MACROD2: variants seen among roughly 807,000 people sequenced by gnomAD.
MACROD2 encodes the protein ADP-ribose glycohydrolase MACROD2.
In MACROD2, 36 loss-of-function variants were observed where a neutral mutation model predicts 70.4. The ratio of observed to expected loss-of-function variants is 0.51; its 90% confidence interval spans 0.39 to 0.68. The LOEUF is 0.68. Ranked by LOEUF, MACROD2 falls within the 30% of genes least tolerant of loss-of-function variation. The pLI, the probability that MACROD2 is intolerant of heterozygous loss-of-function variation, is 0.00. For missense variants in MACROD2, 496 were observed against 538.4 expected (o/e 0.92, Z 0.78); for synonymous variants, 172 against 178.8 (o/e 0.96, Z 0.30).
chr20:14,029,721 G>T (rs2053223707), intron 2 of MACROD2, among the ~76,000 whole-genome samples: 1 of 152,096 alleles, frequency 6.6e-6, no homozygotes, highest in South Asian at 2.1e-4. Context: ...TTCTTCACTG[G>T]GTGGTAATTG....
At chr20:15,715,339 A>G (rs2050693445) in intron 8 of MACROD2, among the ~76,000 whole-genome samples, 1 of 152,162 alleles carries the variant, frequency 6.6e-6, no homozygotes, top group Non-Finnish European at 1.5e-5. Flanking sequence ...ACCAAAGAGA[A>G]TAGTATTTCT....
intron 8 of MACROD2, among the ~76,000 whole-genome samples, chr20:15,610,685 T>C (rs1043232812): frequency 6.6e-6 from 1 of 152,162 alleles, no homozygotes; most frequent in African/African-American, 2.4e-5. Context: ...TACAGGCATC[T>C]TGTGTAGGCA....
rs994325223 is a variant in MACROD2, at chr20:14,842,360, A to C, written c.418+157401A>C. ...ATTTTGGAGGGGACATTCAAACCAT[A>C]GCAGTACCTTTTTTCTGAAGTCTCC... On this transcript the variant is annotated intron_variant, in intron 5 of 17. Transcript: ENST00000684519. Among the ~76,000 whole-genome samples, 8 of 152,206 alleles carry C rather than the reference A, an allele frequency of 5.3e-5. No homozygotes were observed. The East Asian group carries it at 1.5e-3, about 29-fold the overall frequency.
chr20:14,690,944 T>C (rs2071055892), intron 5 of MACROD2, among the ~76,000 whole-genome samples: 1 of 152,166 alleles, frequency 6.6e-6, no homozygotes, highest in South Asian at 2.1e-4. Flanking sequence ...GTCAGACGGA[T>C]TCCAGCTCTG....
chr20:14,970,814 A>G (rs566820900), intron 5 of MACROD2, among the ~76,000 whole-genome samples: 90 of 152,122 alleles, frequency 5.9e-4, no homozygotes, highest in African/African-American at 2.0e-3. Flanking sequence ...GTGAGGTCTC[A>G]CTATGTTGTC....
At chr20:15,572,968 T>A (rs2048395693) in intron 8 of MACROD2, among the ~76,000 whole-genome samples, 1 of 152,152 alleles carries the variant, frequency 6.6e-6, no homozygotes, top group Non-Finnish European at 1.5e-5. Flanking sequence ...CAATAATATT[T>A]GTATTACCAA....
At chr20:15,933,551 A>G (rs1260813628) in intron 11 of MACROD2, among the ~76,000 whole-genome samples, 2 of 152,156 alleles carry the variant, frequency 1.3e-5, no homozygotes, top group African/African-American at 4.8e-5. Context: ...TCATTCACCA[A>G]TTCAATTTTC....
In MACROD2 at chr20:15,577,395, C is replaced by A. The variant is rs184824225; in HGVS notation, c.645+77548C>A. Among the ~76,000 whole-genome samples, 25 of 152,032 alleles carry A rather than the reference C, an allele frequency of 1.6e-4. 1 individual carries two copies. The East Asian group carries it at 4.8e-3, about 29-fold the overall frequency. ...TATGATTTCATTCATAATCCCAGTG[C>A]GTATGTACCTCTAAAAGGTAATATT... On this transcript the variant is annotated intron_variant, in intron 8 of 17. Coordinates refer to ENST00000684519, the MANE Select transcript of MACROD2 (RefSeq NM_001351661.2).
intron 5 of MACROD2, chr20:14,850,399 C>T (rs2073187413): frequency 6.5e-6 from 1 of 154,006 alleles, no homozygotes; most frequent in African/African-American, 2.4e-5. Flanking sequence ...CAGGGAATAT[C>T]AGAGCTTCAC....
At chr20:14,850,075 C>T (rs772597489) in intron 5 of MACROD2, 4 of 468,498 alleles carry the variant, frequency 8.5e-6, no homozygotes, top group Non-Finnish European at 1.7e-5. Flanking sequence ...AATCTCAATA[C>T]TTGTGGCCAA....
intron 3 of MACROD2, among the ~76,000 whole-genome samples, chr20:14,360,237 T>C (rs1444897751): frequency 6.6e-6 from 1 of 152,158 alleles, no homozygotes. Flanking sequence ...ATCTATCGTA[T>C]ACTTGAAAAT....
At chr20:14,255,066 C>T (rs1184036751) in intron 3 of MACROD2, among the ~76,000 whole-genome samples, 9 of 152,120 alleles carry the variant, frequency 5.9e-5, no homozygotes, top group African/African-American at 2.2e-4. Context: ...AATATTGGCC[C>T]CCACTCTGTT....
intron 5 of MACROD2, among the ~76,000 whole-genome samples, chr20:14,942,786 A>G (rs1445329199): frequency 6.6e-6 from 1 of 152,080 alleles, no homozygotes; most frequent in Non-Finnish European, 1.5e-5. Context: ...CTAAATTTTT[A>G]AAAAGAGCAG....
At chr20:14,106,144 G>A (rs1030200502) in intron 3 of MACROD2, among the ~76,000 whole-genome samples, 1 of 152,178 alleles carries the variant, frequency 6.6e-6, no homozygotes, top group African/African-American at 2.4e-5. Flanking sequence ...TTATGGAACT[G>A]CCCTGTGCCT....
intron 5 of MACROD2, chr20:14,888,250 C>T (rs182360483): frequency 1.3e-5 from 2 of 152,338 alleles, no homozygotes; most frequent in East Asian, 1.9e-4. Context: ...GCTCCACAGC[C>T]AGCTTTAACA....
At chr20:15,652,005 G>A (rs2049652405) in intron 8 of MACROD2, among the ~76,000 whole-genome samples, 1 of 152,124 alleles carries the variant, frequency 6.6e-6, no homozygotes, top group East Asian at 1.9e-4. Context: ...GTTGGAGTCA[G>A]ACTTATTGCG....
At chr20:14,669,149 G>A (rs2070768178) in intron 4 of MACROD2, among the ~76,000 whole-genome samples, 1 of 152,090 alleles carries the variant, frequency 6.6e-6, no homozygotes, top group South Asian at 2.1e-4. Context: ...TGTTTGGATT[G>A]GGGCAATAAA....
chr20:15,054,644 T>C (rs2075468887), intron 5 of MACROD2, among the ~76,000 whole-genome samples: 1 of 152,212 alleles, frequency 6.6e-6, no homozygotes, highest in Admixed American at 6.5e-5. Context: ...TGGTCTGGAA[T>C]TGAACATGTT....
Position 15,197,012 on chromosome 20 carries a change from G to A in MACROD2, c.419-32928G>A, listed in dbSNP as rs1004915221. ...TGGAAACTCAACACTCAGGAAGGTC[G>A]CATAGAGCCAGTTTATGCAGGTGAG... is the stretch of plus-strand genomic sequence containing the variant. On this transcript the variant is annotated intron_variant, in intron 5 of 17. Transcript: ENST00000684519. 27 of 985,360 alleles carry A rather than the reference G, an allele frequency of 2.7e-5. No homozygotes were observed. In the South Asian group the frequency reaches 4.7e-4, roughly 17 times the overall value. 61.0% of individuals were successfully genotyped at this position (985,360 alleles called of 1,614,324 possible).
Sources: allele counts gnomAD v4.1 joint callset (sites outside exome capture counted in the v4.1 genomes callset), GRCh38; gene constraint gnomAD v4.1.1; transcripts MANE v1.5; gene names NCBI Gene and HGNC (gene_info 2026-07-23, HGNC 2026-07-21).